The following SUPT3H variants were observed in gnomAD, a reference collection of about 807,000 sequenced individuals.
SUPT3H encodes SPT3 homolog, SAGA and STAGA complex component.
Under a neutral mutation model 44.3 loss-of-function variants are expected in SUPT3H, and 44 were observed. The ratio of observed to expected loss-of-function variants is 0.99; its 90% CI spans 0.78 to 1.28. The LOEUF (loss-of-function observed/expected upper bound fraction) is 1.28, where lower values mean the gene tolerates loss of function less well. SUPT3H is among the 50% of genes most tolerant of loss of function. SUPT3H has a pLI of 0.00. For missense variants in SUPT3H, 380 were observed against 387.1 expected, an observed-to-expected ratio of 0.98 and a Z score of 0.15; for synonymous variants, 124 against 125.6, an observed-to-expected ratio of 0.99 and a Z score of 0.09.
chr6:44,818,658 A>G (rs1418650400), intron 11 of SUPT3H, among the ~76,000 whole-genome samples: 1 of 152,220 alleles, frequency 6.6e-6, no homozygotes. Flanking sequence ...AAACACTTCA[A>G]CAAAGAAAAA....
chr6:45,280,436 G>C (rs1003990753), intron 2 of SUPT3H, among the ~76,000 whole-genome samples: 6 of 152,114 alleles, frequency 3.9e-5, no homozygotes, highest in Admixed American at 2.0e-4. Flanking sequence ...AATCCAGGAA[G>C]TGGAGGTTAT....
chr6:45,023,196 A>G (rs533114806), intron 3 of SUPT3H, among the ~76,000 whole-genome samples: 4 of 152,186 alleles, frequency 2.6e-5, no homozygotes, highest in Admixed American at 6.5e-5. Flanking sequence ...TCATTAAGAG[A>G]AATGCAAATC....
At chr6:45,309,425 A>C (rs1783617103) in intron 2 of SUPT3H, among the ~76,000 whole-genome samples, 1 of 151,952 alleles carries the variant, frequency 6.6e-6, no homozygotes. Context: ...TGTGATCTTA[A>C]GGACAAGTTA....
At chr6:44,989,969 T>C (rs907186414) in intron 6 of SUPT3H, among the ~76,000 whole-genome samples, 2 of 152,140 alleles carry the variant, frequency 1.3e-5, no homozygotes, top group Non-Finnish European at 2.9e-5. Flanking sequence ...TTGTTGACTT[T>C]TTCCTTTGCC....
chr6:44,861,201 T>G (rs1774601228), intron 10 of SUPT3H, among the ~76,000 whole-genome samples: 1 of 152,092 alleles, frequency 6.6e-6, no homozygotes, highest in Admixed American at 6.5e-5. Context: ...CTCAGCCTCC[T>G]GAGTAGCTAG....
intron 2 of SUPT3H, among the ~76,000 whole-genome samples, chr6:45,315,853 C>G (rs1290445078): frequency 6.6e-6 from 1 of 151,916 alleles, no homozygotes; most frequent in African/African-American, 2.4e-5. Context: ...GCACAATTCA[C>G]AATAGCAAAA....
chr6:45,135,503 G>C, intron 2 of SUPT3H, among the ~76,000 whole-genome samples: 1 of 152,080 alleles, frequency 6.6e-6, no homozygotes, highest in Admixed American at 6.6e-5. Context: ...ATTTTGCATA[G>C]AAATTTATTC....
Position 45,154,087 on chromosome 6 carries a change from A to AAAAAAAAAAAAAAAAAAAAAAC in SUPT3H, c.102-48082_102-48081insGTTTTTTTTTTTTTTTTTTTTT, listed in dbSNP as rs70996303. On this transcript the variant is annotated intron_variant, in intron 2 of 10. Transcript: ENST00000371459. ...TCTGTCTCAAGAAAAAAAAAAAAAA[A>AAAAAAAAAAAAAAAAAAAAAAC]AGCGCTTAGTCCTCCTATGTTAGAA... 1.2e-4 allele frequency among the ~76,000 whole-genome samples: 14 copies of AAAAAAAAAAAAAAAAAAAAAAC among 114,618 alleles called. 5 individuals are homozygous for AAAAAAAAAAAAAAAAAAAAAAC. The highest frequency in any genetic ancestry group is 5.7e-4 in the South Asian group (2 of 3,512). 75.2% of individuals were successfully genotyped at this position (114,618 alleles called of 152,430 possible). A position where few individuals can be genotyped will look rare whatever the true frequency, so the allele number is the denominator to read the frequency against.
chr6:44,955,692 T>A (rs370176034), intron 7 of SUPT3H, among the ~76,000 whole-genome samples: 2 of 151,900 alleles, frequency 1.3e-5, no homozygotes, highest in East Asian at 1.9e-4. Flanking sequence ...CGCAAAGGCA[T>A]AAGAATGATA....
In SUPT3H at chr6:45,049,152, G is replaced by A. The variant is rs373250110; in HGVS notation, c.187-28520C>T. Among the ~76,000 whole-genome samples, 12 of 151,972 alleles carry A rather than the reference G, an allele frequency of 7.9e-5. No homozygotes were observed. The East Asian group carries it at 2.1e-3, about 27-fold the overall frequency. On this transcript the variant is annotated intron_variant, in intron 3 of 10. Transcript: ENST00000371459. ...GTGTACATGACAAATATATACAATT[G>A]TTACTTGTCAATTAAAACAATTTTT...
chr6:45,059,353 T>C (rs545410915), intron 3 of SUPT3H, among the ~76,000 whole-genome samples: 2 of 152,254 alleles, frequency 1.3e-5, no homozygotes, highest in East Asian at 3.9e-4. Context: ...ATTATTTCAA[T>C]AGATGCAGAA....
chr6:45,034,423 G>A (rs1047465010), intron 3 of SUPT3H, among the ~76,000 whole-genome samples: 2 of 152,104 alleles, frequency 1.3e-5, no homozygotes, highest in African/African-American at 2.4e-5. Flanking sequence ...GAGAGAGAAA[G>A]AGAAGACATT....
intron 10 of SUPT3H, among the ~76,000 whole-genome samples, chr6:44,877,939 T>C (rs1232514353): frequency 2.0e-5 from 3 of 152,240 alleles, no homozygotes; most frequent in African/African-American, 7.2e-5. Context: ...TCCTGGAACC[T>C]GATCCTGTTT....
intron 2 of SUPT3H, among the ~76,000 whole-genome samples, chr6:45,185,059 A>T (rs1813952119): frequency 6.6e-6 from 1 of 152,174 alleles, no homozygotes; most frequent in Admixed American, 6.5e-5. Flanking sequence ...CATCTACCAG[A>T]TAGGCTAAGG....
At chr6:45,102,953 A>G (rs1232920603) in intron 3 of SUPT3H, among the ~76,000 whole-genome samples, 3 of 152,132 alleles carry the variant, frequency 2.0e-5, no homozygotes, top group Non-Finnish European at 4.4e-5. Flanking sequence ...AAAAGAAAAA[A>G]AAAAAAAGAT....
At chr6:44,841,697 A>G (rs1042413622) in intron 10 of SUPT3H, among the ~76,000 whole-genome samples, 2 of 152,244 alleles carry the variant, frequency 1.3e-5, no homozygotes, top group African/African-American at 4.8e-5. Flanking sequence ...CTCCCTACAG[A>G]CAATGCTTAA....
At chr6:45,309,906 A>G (rs1392230420) in intron 2 of SUPT3H, among the ~76,000 whole-genome samples, 1 of 152,134 alleles carries the variant, frequency 6.6e-6, no homozygotes, top group Non-Finnish European at 1.5e-5. Flanking sequence ...CCAGATTGTG[A>G]ATGTTAGCTT....
At position 45,273,458 on chromosome 6, in the gene SUPT3H, C is replaced by T. The variant is rs78585242; in HGVS notation, c.101+91743G>A. On this transcript the variant is annotated intron_variant, in intron 2 of 10. Transcript: ENST00000371459. Reference sequence around the variant, plus strand: ...TTCTTGCTTCAACTTGGGCAGAATTCATGTTGCTCTTTTCAAATGGATGTC... The same window carrying T: ...TTCTTGCTTCAACTTGGGCAGAATTTATGTTGCTCTTTTCAAATGGATGTC... 6.2e-3 allele frequency among the ~76,000 whole-genome samples: 946 copies of T among 152,272 alleles called. 18 individuals are homozygous for T. The highest frequency in any genetic ancestry group is 0.021 in the African/African-American group (893 of 41,544).
chr6:45,214,147 A>G (rs1764631990), intron 2 of SUPT3H, among the ~76,000 whole-genome samples: 1 of 151,978 alleles, frequency 6.6e-6, no homozygotes, highest in African/African-American at 2.4e-5. Flanking sequence ...TTCAGTGACC[A>G]CCCAAGTACA....
Sources: gnomAD v4.1 joint callset for allele counts (sites outside exome capture counted in the v4.1 genomes callset) on GRCh38, gnomAD v4.1.1 for gene constraint, MANE v1.5 for transcripts, NCBI Gene and HGNC (gene_info 2026-07-23, HGNC 2026-07-21) for gene names.